The following UNC80 variants were observed in gnomAD, a reference collection of about 807,000 sequenced individuals.
UNC80 encodes the protein unc-80 subunit of NALCN channel complex.
UNC80 carries 164 observed loss-of-function variants against 384.6 expected under a neutral mutation model. The observed-to-expected ratio is 0.43, with a 90% CI of 0.38 to 0.49. The LOEUF (loss-of-function observed/expected upper bound fraction) is 0.49, where lower values mean the gene tolerates loss of function less well. UNC80 is among the 20% of genes least tolerant of loss of function. The pLI, the probability that UNC80 is intolerant of heterozygous loss-of-function variation, is 0.00. For synonymous variants in UNC80, 1,486 were observed against 1,527.8 expected (o/e 0.97, Z 0.64); for missense variants, 3,330 against 4,143.0 (o/e 0.80, Z 5.39).
At position 209,976,859 on chromosome 2, in the gene UNC80, C is replaced by A; in HGVS notation, c.8773-54C>A. 3 of 1,459,332 alleles carry A rather than the reference C, an allele frequency of 2.1e-6. No homozygotes were observed. The highest frequency in any genetic ancestry group is 2.2e-5 in the Admixed American group (1 of 44,942). 90.4% of individuals were successfully genotyped at this position (1,459,332 alleles called of 1,614,324 possible). A position where few individuals can be genotyped will look rare whatever the true frequency, so the allele number is the denominator to read the frequency against. ...ACAATGAAATAGGTACAGCAATTAG[C>A]CCATTTTATGGATGGAAAATTGAGG... On this transcript the variant is annotated intron_variant, in intron 57 of 64. Coordinates refer to ENST00000673920, the MANE Select transcript of UNC80 (RefSeq NM_001371986.1). The surrounding 1 kb of genome is among the most constrained non-coding windows in gnomAD (Gnocchi z 4.3).
rs1427233043 is a variant in UNC80, at chr2:209,835,125, G to T, written c.3041+115G>T. The T allele has an allele frequency of 3.8e-6, 3 of 794,544 alleles. No homozygotes were observed. The African/African-American group carries it at 5.2e-5, about 14-fold the overall frequency. The allele number at this position is 794,544 out of a possible 1,614,324, so 49.2% of individuals were successfully genotyped here. ...TTTCATCTCCTTTGAATTTTGCCTT[G>T]TTTCTACCCTTTACATTTCATTCCC... On this transcript the variant is annotated intron_variant, in intron 18 of 64. Transcript: ENST00000673920.
In UNC80 at chr2:209,912,682, A is replaced by T; in HGVS notation, c.4890+15A>T. On this transcript the variant is annotated intron_variant, in intron 30 of 64. Transcript: ENST00000673920. ...TCAGACTTCAGGTATTGTTACCTGG[A>T]TCAGAAGGATTCATGGAACTTTTAA... 1 of 1,525,536 alleles carries T rather than the reference A, an allele frequency of 6.6e-7. No homozygotes were observed. The allele number at this position is 1,525,536 out of a possible 1,614,324, so 94.5% of individuals were successfully genotyped here. A position where few individuals can be genotyped will look rare whatever the true frequency, so the allele number is the denominator to read the frequency against.
intron 22 of UNC80, among the ~76,000 whole-genome samples, chr2:209,860,714 CTT>C (rs1559215662): frequency 6.6e-6 from 1 of 151,878 alleles, no homozygotes; most frequent in African/African-American, 2.4e-5. Flanking sequence ...TGTGTCCTCT[CTT>C]ATTTCCTTGA....
At position 209,775,750 on chromosome 2, in the gene UNC80, AT is replaced by A. The variant is rs1359111603; in HGVS notation, c.142-136del. On this transcript the variant is annotated intron_variant, in intron 2 of 64. Transcript: ENST00000673920. ...AAATGCAATGAGTTCTCCCTAAAGAATTTGGTCCAGTAATTTGCATCTTTTA... is the reference window on the plus strand; with the variant it reads ...AAATGCAATGAGTTCTCCCTAAAGAATTGGTCCAGTAATTTGCATCTTTTA... The A allele has an allele frequency of 8.4e-6, 6 of 714,304 alleles. No individual in the cohort carries two copies. The African/African-American group carries it at 1.1e-4, about 13-fold the overall frequency. 44.2% of individuals were successfully genotyped at this position (714,304 alleles called of 1,614,324 possible).
At chr2:209,799,209 A>T (rs1017718846) in intron 7 of UNC80, among the ~76,000 whole-genome samples, 7 of 151,902 alleles carry the variant, frequency 4.6e-5, no homozygotes, top group African/African-American at 1.5e-4. Flanking sequence ...ATTCAGGAAG[A>T]TGGAATGTTT....
At chr2:209,865,190 G>T (rs1294308052) in intron 22 of UNC80, among the ~76,000 whole-genome samples, 1 of 152,008 alleles carries the variant, frequency 6.6e-6, no homozygotes, top group Non-Finnish European at 1.5e-5. Flanking sequence ...AGAGAACCTG[G>T]ATACCTTGGT....
intron 58 of UNC80, among the ~76,000 whole-genome samples, chr2:209,977,297 T>A (rs2093037479): frequency 6.6e-6 from 1 of 152,252 alleles, no homozygotes. Flanking sequence ...CAAAAGGATA[T>A]CATAAGAATT....
intron 12 of UNC80, among the ~76,000 whole-genome samples, chr2:209,819,753 C>T (rs1033863422): frequency 6.6e-6 from 1 of 152,064 alleles, no homozygotes; most frequent in Non-Finnish European, 1.5e-5. Flanking sequence ...TTATATTTCA[C>T]AAAATTTTAT....
Position 209,931,430 on chromosome 2 carries a change from G to A in UNC80, c.5994+376G>A, listed in dbSNP as rs1032190745. 4.2e-5 allele frequency among the ~76,000 whole-genome samples: 6 copies of A among 141,418 alleles called. No individual in the cohort carries two copies. The Admixed American group carries it at 4.3e-4, about 10-fold the overall frequency. 92.8% of individuals were successfully genotyped at this position (141,418 alleles called of 152,430 possible). On this transcript the variant is annotated intron_variant, in intron 38 of 64. Transcript: ENST00000673920. ...ACACACACACACAGATGCAACTGTT[G>A]TCCTAGATGGAAAGTTTTTGTGTAT...
chr2:209,845,862 C>G lies in UNC80; in HGVS notation c.3454+3416C>G, dbSNP rs577665992. ...ATTGTATTTTGCAACAACTACTGCC[C>G]TTTATTGCGCAAACATCATTCTATT... On this transcript the variant is annotated intron_variant, in intron 21 of 64. Coordinates refer to ENST00000673920, the MANE Select transcript of UNC80 (RefSeq NM_001371986.1). Among the ~76,000 whole-genome samples, 5 of 152,192 alleles carry G rather than the reference C, an allele frequency of 3.3e-5. No homozygotes were observed. The South Asian group carries it at 1.0e-3, about 32-fold the overall frequency.
intron 22 of UNC80, among the ~76,000 whole-genome samples, chr2:209,853,580 C>T (rs189889825): frequency 6.6e-6 from 1 of 151,980 alleles, no homozygotes; most frequent in African/African-American, 2.4e-5. Flanking sequence ...TTTTAAAAGA[C>T]ATATTTTAGA....
chr2:209,857,421 GAATACA>G (rs2083015017), intron 22 of UNC80, among the ~76,000 whole-genome samples: 1 of 152,114 alleles, frequency 6.6e-6, no homozygotes, highest in Non-Finnish European at 1.5e-5. Flanking sequence ...AAATTGCTGA[GAATACA>G]TTCTTATTAG....
chr2:209,898,361 C>G (rs2087017354), intron 28 of UNC80, among the ~76,000 whole-genome samples: 1 of 152,002 alleles, frequency 6.6e-6, no homozygotes, highest in African/African-American at 2.4e-5. Context: ...TAAATATTAT[C>G]TAGAAGCAGT....
At chr2:209,830,307 G>A (rs897087177) in intron 15 of UNC80, among the ~76,000 whole-genome samples, 1 of 152,128 alleles carries the variant, frequency 6.6e-6, no homozygotes, top group Admixed American at 6.6e-5. Context: ...CAATCTATTA[G>A]CAGAGTTGTT....
At chr2:209,794,969 G>C (rs539515252) in intron 7 of UNC80, 14 of 332,338 alleles carry the variant, frequency 4.2e-5, no homozygotes, top group South Asian at 3.4e-4. Context: ...ATACCCAAAA[G>C]TGTGGAAGCA....
intron 7 of UNC80, among the ~76,000 whole-genome samples, chr2:209,806,657 A>T (rs1437825863): frequency 1.3e-5 from 2 of 152,242 alleles, no homozygotes; most frequent in African/African-American, 4.8e-5. Flanking sequence ...CTTTAATAAC[A>T]AAACAATGCC....
chr2:209,907,323 C>T (rs1164108535), intron 29 of UNC80, among the ~76,000 whole-genome samples: 2 of 148,934 alleles, frequency 1.3e-5, no homozygotes, highest in African/African-American at 4.9e-5. Context: ...ACAGTTTGTA[C>T]CCCCATATAC....
rs1427820787 is a variant in UNC80 at position 209,941,502 on chromosome 2, T to G, written c.6915+13T>G. 4 of 1,520,986 alleles carry G rather than the reference T, an allele frequency of 2.6e-6. No individual in the cohort carries two copies. Among genetic ancestry groups the G allele is most frequent in the Non-Finnish European group, 3.6e-6 (4 of 1,124,420 alleles). The allele number at this position is 1,520,986 out of a possible 1,614,324, so 94.2% of individuals were successfully genotyped here. On this transcript the variant is annotated intron_variant, in intron 44 of 64. Transcript: ENST00000673920. Reference sequence around the variant, plus strand: ...CACCATGCTGCAGGTGCCCAGAACCTCCTCTCCCAACCAGAAAATTAACAT... The same window carrying G: ...CACCATGCTGCAGGTGCCCAGAACCGCCTCTCCCAACCAGAAAATTAACAT...
intron 31 of UNC80, among the ~76,000 whole-genome samples, chr2:209,914,901 G>T (rs557186243): frequency 1.4e-4 from 21 of 152,080 alleles, no homozygotes; most frequent in Non-Finnish European, 2.6e-4. Flanking sequence ...ATTTAAACAA[G>T]ATCTATTGAT....
Sources: gnomAD v4.1 joint callset for allele counts (sites outside exome capture counted in the v4.1 genomes callset) on GRCh38, gnomAD v4.1.1 for gene constraint, Gnocchi (gnomAD v3.1) non-coding constraint, MANE v1.5 for transcripts, NCBI Gene and HGNC (gene_info 2026-07-23, HGNC 2026-07-21) for gene names.